SP100: variants seen among roughly 807,000 people sequenced by gnomAD.
SP100 encodes nuclear autoantigen Sp-100.
SP100 carries 84 observed loss-of-function variants against 130.0 expected under a neutral mutation model. The ratio of observed to expected loss-of-function variants is 0.65; its 90% CI spans 0.54 to 0.77. The LOEUF is 0.77. Ranked by LOEUF, SP100 falls within the 30% of genes least tolerant of loss-of-function variation. The pLI is 0.00. For synonymous variants in SP100, 331 were observed against 351.7 expected, an observed-to-expected ratio of 0.94 and a Z score of 0.66; for missense variants, 978 against 1,052.2, an observed-to-expected ratio of 0.93 and a Z score of 0.97.
intron 2 of SP100, among the ~76,000 whole-genome samples, chr2:230,426,367 T>C (rs2062932695): frequency 6.6e-6 from 1 of 152,204 alleles, no homozygotes; most frequent in Admixed American, 6.5e-5. Context: ...TAGGTGTTTA[T>C]AGCTATAAAC....
chr2:230,466,197 A>AC, intron 11 of SP100, 104 bp from the exon 12 acceptor site: 1 of 586,070 alleles, frequency 1.7e-6, no homozygotes, highest in East Asian at 3.0e-5. Flanking sequence ...AAAAAAAAAA[A>AC]AAAAAACTTT....
At chr2:230,515,274 GAA>G (rs762056038) in intron 24 of SP100, 1 of 1,609,696 alleles carries the variant, frequency 6.2e-7, no homozygotes, top group African/African-American at 1.3e-5. Context: ...CTAAAGGGGA[GAA>G]AAAAAAGAAG....
At position 230,491,374 on chromosome 2, in the gene SP100, A is replaced by G. The variant is rs141549697; in HGVS notation, c.1601-3042A>G. 1.5e-3 allele frequency among the ~76,000 whole-genome samples: 233 copies of G among 152,258 alleles called. 3 individuals carry two copies. Among genetic ancestry groups the G allele is most frequent in the African/African-American group, 5.3e-3 (220 of 41,558 alleles). On this transcript the variant is annotated intron_variant, in intron 17 of 28. Transcript: ENST00000340126. ...CTGAGCCTCTGGCTGGAGTTATTGG[A>G]GTTCCTGCAGGGAAGCCCCACCCAG...
intron 2 of SP100, chr2:230,440,622 C>T: frequency 7.6e-7 from 1 of 1,315,694 alleles, no homozygotes; most frequent in Non-Finnish European, 9.8e-7. Context: ...TCATCTCCCC[C>T]AAATTTATCT....
At chr2:230,523,746 T>A (rs935669905) in intron 24 of SP100, among the ~76,000 whole-genome samples, 3 of 151,682 alleles carry the variant, frequency 2.0e-5, no homozygotes, top group Non-Finnish European at 4.4e-5. Context: ...TTGTCTCTAT[T>A]AAAAATTTAA....
At chr2:230,539,080 C>T in intron 24 of SP100, 187 bp from the exon 25 acceptor site, 1 of 418,730 alleles carries the variant, frequency 2.4e-6, no homozygotes, top group Non-Finnish European at 4.4e-6. Context: ...CTTTTCTGGC[C>T]TGACACACAG....
intron 2 of SP100, among the ~76,000 whole-genome samples, chr2:230,440,051 A>G (rs1278091862): frequency 6.6e-6 from 1 of 152,184 alleles, no homozygotes; most frequent in Non-Finnish European, 1.5e-5. Context: ...GTATAAAGGT[A>G]TAGCAAACAT....
Position 230,539,360 on chromosome 2 carries a change from A to T in SP100, c.2188A>T (p.Ile730Phe), listed in dbSNP as rs1396576312. 4 of 1,613,658 alleles carry T rather than the reference A, an allele frequency of 2.5e-6. No homozygotes were observed. Among genetic ancestry groups the T allele is most frequent in the Admixed American group, 1.7e-5 (1 of 60,010 alleles). Reference sequence around the variant, plus strand: ...AAGATCCTTTCATGAGCACTGCCACATCCCATCCGTGGAAGCTAACAAGTG... The same window carrying T: ...AAGATCCTTTCATGAGCACTGCCACTTCCCATCCGTGGAAGCTAACAAGTG... ...CPRSFHEHCH[I>F]PSVEANKNPW... The change falls in exon 25 of 29, where the codon ATC (isoleucine) becomes TTC (phenylalanine). Residue 730 changes from isoleucine (I) to phenylalanine (F), a missense_variant. Physicochemically the swap from Ile to Phe is conservative, Grantham distance 21. Transcript: ENST00000340126.
chr2:230,478,239 T>A (rs2065664224), intron 17 of SP100, among the ~76,000 whole-genome samples: 1 of 152,178 alleles, frequency 6.6e-6, no homozygotes, highest in South Asian at 2.1e-4. Context: ...AGAATGCCAC[T>A]TAGTTAATAT....
In SP100 at chr2:230,467,389, A is replaced by G. The variant is rs2065017216; in HGVS notation, c.1291+174A>G. Among the ~76,000 whole-genome samples, 4 of 152,344 alleles carry G rather than the reference A, an allele frequency of 2.6e-5. No homozygotes were observed. In the South Asian group the frequency reaches 8.3e-4, roughly 32 times the overall value. ...TCACTCTAAATTCAGGCTTAACAAG[A>G]TGGTTGTGGTTGAGTGGCAGTGGCC... On this transcript the variant is annotated intron_variant, in intron 13 of 28. Coordinates refer to ENST00000340126, the MANE Select transcript of SP100 (RefSeq NM_001080391.2).
chr2:230,441,028 G>A (rs950300610), intron 2 of SP100, among the ~76,000 whole-genome samples: 1 of 152,024 alleles, frequency 6.6e-6, no homozygotes, highest in Admixed American at 6.6e-5. Context: ...TTAAGAAAAT[G>A]AAAGAGAAGC....
At chr2:230,536,064 T>C (rs577467966) in intron 24 of SP100, among the ~76,000 whole-genome samples, 15 of 152,306 alleles carry the variant, frequency 9.8e-5, no homozygotes, top group African/African-American at 3.6e-4. Flanking sequence ...ACAATGGTTC[T>C]TGCTGCACTT....
intron 24 of SP100, 47 bp from the exon 25 acceptor site, chr2:230,539,220 T>C: frequency 8.3e-7 from 1 of 1,201,318 alleles, no homozygotes; most frequent in Non-Finnish European, 1.2e-6. Flanking sequence ...TATTCTAGGG[T>C]CCAAGGGTCT....
intron 24 of SP100, among the ~76,000 whole-genome samples, chr2:230,533,912 T>C (rs994156821): frequency 1.3e-4 from 20 of 152,206 alleles, no homozygotes; most frequent in Non-Finnish European, 8.8e-5. Context: ...AAAATTACTT[T>C]TAATATTAGT....
At chr2:230,473,198 G>A (rs2065360788) in intron 15 of SP100, 126 bp from the exon 16 acceptor site, 1 of 602,572 alleles carries the variant, frequency 1.7e-6, no homozygotes, top group African/African-American at 1.9e-5. Flanking sequence ...AAGAAAAAGA[G>A]ATTTCAGATG....
At chr2:230,470,303 T>C (rs1575679198) in intron 15 of SP100, 1 of 1,261,578 alleles carries the variant, frequency 7.9e-7, no homozygotes, top group East Asian at 3.5e-5. Context: ...TTTCACTGAC[T>C]AAATGTATGT....
chr2:230,437,555 T>C (rs2063331327), intron 2 of SP100, among the ~76,000 whole-genome samples: 4 of 152,088 alleles, frequency 2.6e-5, no homozygotes, highest in Admixed American at 2.6e-4. Flanking sequence ...TTTGTTTTTT[T>C]TGTTTTGTTT....
At chr2:230,500,350 A>G (rs2066950712) in intron 19 of SP100, among the ~76,000 whole-genome samples, 1 of 152,294 alleles carries the variant, frequency 6.6e-6, no homozygotes, top group Non-Finnish European at 1.5e-5. Flanking sequence ...GCACTTTATT[A>G]TACATGATCT....
At chr2:230,501,208 A>G (rs984145948) in intron 19 of SP100, among the ~76,000 whole-genome samples, 4 of 152,060 alleles carry the variant, frequency 2.6e-5, no homozygotes, top group Non-Finnish European at 5.9e-5. Flanking sequence ...GTGCCACTGC[A>G]CTCCAGCCTG....
Sources: allele counts gnomAD v4.1 joint callset (sites outside exome capture counted in the v4.1 genomes callset), GRCh38; gene constraint gnomAD v4.1.1; transcripts MANE v1.5; gene names NCBI Gene and HGNC (gene_info 2026-07-23, HGNC 2026-07-21).